ITSN1: variants seen among roughly 807,000 people sequenced by gnomAD.
ITSN1 encodes the protein intersectin 1, also known as intersectin-1.
In ITSN1, 58 loss-of-function variants were observed where a neutral mutation model predicts 239.8. The ratio of observed to expected loss-of-function variants is 0.24; its 90% CI spans 0.20 to 0.30. The LOEUF is 0.30. Among genes scored for constraint, ITSN1 ranks in the 10% least tolerant of loss-of-function variants. ITSN1 has a pLI of 1.00. For synonymous variants in ITSN1, 780 were observed against 770.8 expected (o/e 1.01, Z -0.20); for missense variants, 1,558 against 2,103.3 (o/e 0.74, Z 5.07).
At chr21:33,879,746 C>T (rs891800426) in intron 34 of ITSN1, among the ~76,000 whole-genome samples, 6 of 152,112 alleles carry the variant, frequency 3.9e-5, no homozygotes, top group Non-Finnish European at 7.4e-5. Context: ...GAGGTGCGAT[C>T]TCGGCTCACT....
At chr21:33,812,744 C>G (rs1167716176) in intron 21 of ITSN1, among the ~76,000 whole-genome samples, 3 of 152,324 alleles carry the variant, frequency 2.0e-5, no homozygotes, top group Non-Finnish European at 4.4e-5. Flanking sequence ...AGTGATCCTC[C>G]TGCCTTGGCC....
In ITSN1 at chr21:33,761,268, G is replaced by A. The variant is rs1235653663; in HGVS notation, c.725-655G>A. 5.3e-5 allele frequency among the ~76,000 whole-genome samples: 8 copies of A among 152,018 alleles called. No individual in the cohort carries two copies. In the South Asian group the frequency reaches 1.7e-3, roughly 32 times the overall value. ...TTTTTTGCACTTTTGGTGGAGATGG[G>A]GTTTTGCCATCTGGTCTTGAACTCC... On this transcript the variant is annotated intron_variant, in intron 8 of 39. Coordinates refer to ENST00000381318, the MANE Select transcript of ITSN1 (RefSeq NM_003024.3).
intron 1 of ITSN1, among the ~76,000 whole-genome samples, chr21:33,672,205 G>A (rs373610800): frequency 7.3e-5 from 11 of 150,764 alleles, no homozygotes; most frequent in African/African-American, 2.2e-4. Context: ...CAACAAGAGC[G>A]AAACTCTGTC....
Position 33,726,278 on chromosome 21 carries a change from C to T in ITSN1, c.185+3627C>T, listed in dbSNP as rs558330626. ...CAAAGTGCTAGAATTACAGGCATGA[C>T]CCACTGCAGCCGGCCAAGCCTAGGT... is the stretch of plus-strand genomic sequence containing the variant. On this transcript the variant is annotated intron_variant, in intron 4 of 39. Transcript: ENST00000381318. Among the ~76,000 whole-genome samples, 274 of 151,944 alleles carry T rather than the reference C, an allele frequency of 1.8e-3. 1 individual carries two copies. Among genetic ancestry groups the T allele is most frequent in the African/African-American group, 6.5e-3 (268 of 41,446 alleles).
chr21:33,843,574 G>A (rs958302301), intron 29 of ITSN1, among the ~76,000 whole-genome samples: 5 of 152,130 alleles, frequency 3.3e-5, no homozygotes, highest in Non-Finnish European at 7.3e-5. Context: ...ATAACAACAC[G>A]GCTTCTCTGC....
intron 5 of ITSN1, among the ~76,000 whole-genome samples, chr21:33,740,686 G>GGTA (rs931230787): frequency 1.1e-4 from 16 of 152,148 alleles, no homozygotes; most frequent in African/African-American, 3.9e-4. Flanking sequence ...TACGGCTTCT[G>GGTA]GTAGATGTAT....
intron 5 of ITSN1, among the ~76,000 whole-genome samples, chr21:33,736,586 A>T (rs1247374413): frequency 6.6e-6 from 1 of 152,210 alleles, no homozygotes; most frequent in African/African-American, 2.4e-5. Context: ...GTGTGCTCAC[A>T]ATGTTTAGCC....
At chr21:33,870,741 C>A (rs1007121596) in intron 33 of ITSN1, among the ~76,000 whole-genome samples, 43 of 152,196 alleles carry the variant, frequency 2.8e-4, no homozygotes, top group African/African-American at 1.0e-3. Context: ...GCCTGGCCAA[C>A]AGGGTGAGAC....
At chr21:33,815,792 AG>A (rs1354517972) in intron 22 of ITSN1, among the ~76,000 whole-genome samples, 1 of 152,154 alleles carries the variant, frequency 6.6e-6, no homozygotes, top group Non-Finnish European at 1.5e-5. Context: ...AAAATGTTCA[AG>A]TTGGGCTGCA....
intron 1 of ITSN1, among the ~76,000 whole-genome samples, chr21:33,676,137 C>T (rs1325622658): frequency 6.6e-6 from 1 of 151,182 alleles, no homozygotes; most frequent in Non-Finnish European, 1.5e-5. Context: ...TGGGTTCAAG[C>T]GATTCCTGCT....
chr21:33,877,043 C>G (rs1385572766), intron 34 of ITSN1, among the ~76,000 whole-genome samples: 1 of 109,344 alleles, frequency 9.1e-6, no homozygotes, highest in Non-Finnish European at 2.0e-5. Context: ...TTCCTTAGAA[C>G]TTTACCTGTG....
chr21:33,680,520 A>C (rs1162601906), intron 1 of ITSN1, among the ~76,000 whole-genome samples: 1 of 151,796 alleles, frequency 6.6e-6, no homozygotes, highest in Non-Finnish European at 1.5e-5. Flanking sequence ...TTATAGAGAA[A>C]GGGTTTCGCC....
At chr21:33,846,015 C>T (rs2074979056) in intron 29 of ITSN1, among the ~76,000 whole-genome samples, 1 of 152,154 alleles carries the variant, frequency 6.6e-6, no homozygotes, top group Admixed American at 6.5e-5. Flanking sequence ...GACTGAATGA[C>T]TCAACCCCCC....
At chr21:33,663,045 T>C (rs1425669401) in intron 1 of ITSN1, among the ~76,000 whole-genome samples, 1 of 152,236 alleles carries the variant, frequency 6.6e-6, no homozygotes, top group African/African-American at 2.4e-5. Context: ...ATAAATGAGC[T>C]TTCATCAGTA....
chr21:33,760,401 G>T (rs909669537), intron 8 of ITSN1, among the ~76,000 whole-genome samples: 3 of 152,134 alleles, frequency 2.0e-5, no homozygotes, highest in African/African-American at 7.2e-5. Flanking sequence ...AATTAATTCA[G>T]CTGTGTACAT....
chr21:33,772,184 C>A lies in ITSN1; in HGVS notation c.1166C>A (p.Ala389Glu). 2 of 1,613,862 alleles carry A rather than the reference C, an allele frequency of 1.2e-6. No individual in the cohort carries two copies. The highest frequency in any genetic ancestry group is 1.7e-6 in the Non-Finnish European group (2 of 1,179,940). ...EQERLAQLER[A>E]EQERKERERQ... is the part of the protein sequence containing the mutation. ...GAGCGCCTGGCCCAGCTGGAGCGGG[C>A]GGAGCAGGAGAGGAAGGAGCGTGAG... is the stretch of plus-strand genomic sequence containing the variant. The change falls in exon 12 of 40, where the codon GCG becomes GAG. Residue 389 changes from alanine (A) to glutamate (E), a missense_variant. By Grantham distance (107) the Ala-to-Glu change is moderately radical. Coordinates refer to ENST00000381318, the MANE Select transcript of ITSN1 (RefSeq NM_003024.3).
At chr21:33,786,800 CG>C (rs2070713716) in intron 16 of ITSN1, among the ~76,000 whole-genome samples, 2 of 152,138 alleles carry the variant, frequency 1.3e-5, no homozygotes, top group Admixed American at 1.3e-4. Flanking sequence ...TGTGAATGGC[CG>C]TTTACATTTG....
intron 33 of ITSN1, among the ~76,000 whole-genome samples, chr21:33,869,597 G>A (rs1255447740): frequency 6.6e-6 from 1 of 152,220 alleles, no homozygotes; most frequent in African/African-American, 2.4e-5. Context: ...AAAAAAGAAA[G>A]AACAAAATTA....
At chr21:33,805,641 A>C (rs1489622287) in intron 20 of ITSN1, among the ~76,000 whole-genome samples, 4 of 152,140 alleles carry the variant, frequency 2.6e-5, no homozygotes, top group African/African-American at 9.6e-5. Flanking sequence ...GCCAGCCTCC[A>C]GGTTGGAGCT....
Sources: gnomAD v4.1 joint callset for allele counts (sites outside exome capture counted in the v4.1 genomes callset) on GRCh38, gnomAD v4.1.1 for gene constraint, MANE v1.5 for transcripts, NCBI Gene and HGNC (gene_info 2026-07-23, HGNC 2026-07-21) for gene names.